GRAMD2B: variants seen among roughly 807,000 people sequenced by gnomAD.
GRAMD2B encodes GRAM domain-containing protein 2B.
Under a neutral mutation model 59.2 loss-of-function variants are expected in GRAMD2B, and 41 were observed. The ratio of observed to expected loss-of-function variants is 0.69; its 90% CI spans 0.54 to 0.90. The LOEUF is 0.90. Among genes scored for constraint, GRAMD2B ranks in the 40% least tolerant of loss-of-function variants. The pLI is 0.00. For synonymous variants in GRAMD2B, 161 were observed against 182.7 expected (o/e 0.88, Z 0.96); for missense variants, 424 against 500.5 (o/e 0.85, Z 1.46).
intron 1 of GRAMD2B, among the ~76,000 whole-genome samples, chr5:126,387,628 A>T (rs551762610): frequency 2.6e-4 from 39 of 152,096 alleles, no homozygotes; most frequent in African/African-American, 8.7e-4. Context: ...GAAAGGGTCC[A>T]GACCTGGCCC....
chr5:126,394,071 G>A (rs1757105450), intron 1 of GRAMD2B, among the ~76,000 whole-genome samples: 1 of 152,054 alleles, frequency 6.6e-6, no homozygotes, highest in African/African-American at 2.4e-5. Context: ...TGAGGAGATC[G>A]AGACCATCCT....
At chr5:126,458,839 A>T (rs1766826430) in intron 1 of GRAMD2B, 1 of 152,194 alleles carries the variant, frequency 6.6e-6, no homozygotes, top group African/African-American at 2.4e-5. Context: ...CTCCTCCTGT[A>T]GCACCTCACT....
chr5:126,362,057 T>C (rs1561449302), intron 1 of GRAMD2B, among the ~76,000 whole-genome samples: 1 of 152,226 alleles, frequency 6.6e-6, no homozygotes, highest in Non-Finnish European at 1.5e-5. Flanking sequence ...TGTTACCCAG[T>C]TGGGTCTCCT....
intron 1 of GRAMD2B, among the ~76,000 whole-genome samples, chr5:126,435,354 AAATT>A (rs979691356): frequency 3.3e-5 from 5 of 152,156 alleles, no homozygotes; most frequent in Non-Finnish European, 7.3e-5. Context: ...TGGAGGGAGA[AAATT>A]ATTTCAGGCA....
intron 1 of GRAMD2B, among the ~76,000 whole-genome samples, chr5:126,464,173 G>A (rs1767889113): frequency 6.6e-6 from 1 of 152,174 alleles, no homozygotes; most frequent in South Asian, 2.1e-4. Context: ...GATCAGCAAA[G>A]CAACCACACA....
At chr5:126,388,015 A>G (rs1756335666) in intron 1 of GRAMD2B, among the ~76,000 whole-genome samples, 1 of 152,134 alleles carries the variant, frequency 6.6e-6, no homozygotes, top group Admixed American at 6.6e-5. Context: ...AACCCCCTAT[A>G]CTATAAAACT....
chr5:126,364,002 A>T (rs1035868812), intron 1 of GRAMD2B, among the ~76,000 whole-genome samples: 1 of 152,150 alleles, frequency 6.6e-6, no homozygotes, highest in African/African-American at 2.4e-5. Flanking sequence ...ATAAGGCTTT[A>T]AAAAAACTCT....
Position 126,423,594 on chromosome 5 carries a change from A to G in GRAMD2B, c.-13A>G. The G allele has an allele frequency of 1.2e-6, 2 of 1,610,358 alleles. No homozygotes were observed. The highest frequency in any genetic ancestry group is 1.7e-6 in the Non-Finnish European group (2 of 1,178,608). ...GCGCGGAAGTCTGAAGGTGCCCTCC[A>G]GACACGGCCCCGATGACTGAACTAC... On this transcript the variant is annotated 5_prime_UTR_variant, in exon 1 of 14. Coordinates refer to ENST00000285689, the MANE Select transcript of GRAMD2B (RefSeq NM_023927.4).
upstream of GRAMD2B, among the ~76,000 whole-genome samples, chr5:126,420,119 A>T (rs1439860776): frequency 2.0e-5 from 3 of 151,974 alleles, no homozygotes; most frequent in African/African-American, 7.2e-5. Flanking sequence ...TAAAAACAAG[A>T]ATTTGGATTC....
chr5:126,384,020 T>C (rs1755889300), intron 1 of GRAMD2B, among the ~76,000 whole-genome samples: 1 of 152,136 alleles, frequency 6.6e-6, no homozygotes. Flanking sequence ...GAAATAATGG[T>C]ATATTTACTC....
chr5:126,368,086 G>A (rs1369860402), upstream of GRAMD2B, among the ~76,000 whole-genome samples: 1 of 152,090 alleles, frequency 6.6e-6, no homozygotes, highest in Non-Finnish European at 1.5e-5. Flanking sequence ...AATTCCCATG[G>A]AAGGATATAA....
intron 1 of GRAMD2B, among the ~76,000 whole-genome samples, chr5:126,458,181 T>C (rs577023081): frequency 4.4e-3 from 664 of 152,226 alleles, no homozygotes; most frequent in Non-Finnish European, 7.2e-3. Context: ...GTGCCTATGA[T>C]CTTAGCACTT....
chr5:126,414,634 T>C (rs1049238872), intron 1 of GRAMD2B, among the ~76,000 whole-genome samples: 1 of 152,032 alleles, frequency 6.6e-6, no homozygotes, highest in Non-Finnish European at 1.5e-5. Context: ...GGCTAATTGT[T>C]TTAATTTCTT....
intron 1 of GRAMD2B, chr5:126,433,573 G>A (rs1477377114): frequency 6.6e-6 from 1 of 152,182 alleles, no homozygotes; most frequent in Admixed American, 6.5e-5. Flanking sequence ...TGTCAATTAA[G>A]CACTTGTGCT....
chr5:126,393,610 T>G (rs1044832259), intron 1 of GRAMD2B, among the ~76,000 whole-genome samples: 1 of 152,146 alleles, frequency 6.6e-6, no homozygotes, highest in African/African-American at 2.4e-5. Context: ...TCAATTATCT[T>G]GAACCTCCAA....
intron 12 of GRAMD2B, among the ~76,000 whole-genome samples, chr5:126,487,579 T>C (rs1773181774): frequency 6.6e-6 from 1 of 152,228 alleles, no homozygotes; most frequent in East Asian, 1.9e-4. Context: ...AAATAATTTA[T>C]GCCATGTTAG....
In GRAMD2B at chr5:126,383,759, G is replaced by C. The variant is rs181749249; in HGVS notation, c.125+12192G>C. ...CACCCAGCTTGGCTTCAAATTATTT[G>C]GGCTATTTTCAAAAATCAAACCCAC... On this transcript the variant is annotated intron_variant, in intron 1 of 8. Coordinates refer to the GRAMD2B transcript ENST00000506445. Among the ~76,000 whole-genome samples the C allele has an allele frequency of 6.6e-5, 10 of 152,220 alleles. No homozygotes were observed. The East Asian group carries it at 1.4e-3, about 21-fold the overall frequency.
chr5:126,438,369 C>T (rs1198933480), intron 1 of GRAMD2B, among the ~76,000 whole-genome samples: 1 of 152,112 alleles, frequency 6.6e-6, no homozygotes, highest in Non-Finnish European at 1.5e-5. Flanking sequence ...CCAGAGGTGT[C>T]AGAAATGGGC....
intron 1 of GRAMD2B, among the ~76,000 whole-genome samples, chr5:126,403,672 A>G (rs1489164203): frequency 1.3e-5 from 2 of 151,936 alleles, no homozygotes; most frequent in African/African-American, 2.4e-5. Flanking sequence ...ATACAGTTAC[A>G]TATTTTGTTG....
Sources: allele counts gnomAD v4.1 joint callset (sites outside exome capture counted in the v4.1 genomes callset), GRCh38; gene constraint gnomAD v4.1.1; transcripts MANE v1.5; gene names NCBI Gene and HGNC (gene_info 2026-07-23, HGNC 2026-07-21).